DIP2C: variants seen among roughly 807,000 people sequenced by gnomAD.
DIP2C encodes DIP2 acetate--CoA ligase C (putative), also known as disco-interacting protein 2 homolog C.
DIP2C carries 33 observed loss-of-function variants against 192.4 expected under a neutral mutation model. The observed-to-expected ratio is 0.17, with a 90% confidence interval of 0.13 to 0.23. The LOEUF (loss-of-function observed/expected upper bound fraction) is 0.23, where lower values mean the gene tolerates loss of function less well. Ranked by LOEUF, DIP2C falls within the 10% of genes least tolerant of loss-of-function variation. DIP2C has a pLI of 1.00. For synonymous variants in DIP2C, 979 were observed against 864.1 expected (o/e 1.13, Z -2.33); for missense variants, 1,537 against 2,110.1 (o/e 0.73, Z 5.32).
At chr10:529,053 A>G (rs1444604036) in intron 1 of DIP2C, among the ~76,000 whole-genome samples, 1 of 152,204 alleles carries the variant, frequency 6.6e-6, no homozygotes, top group Non-Finnish European at 1.5e-5. Flanking sequence ...CGCTGCCGGC[A>G]TCTCCCTAGA....
rs182560162 is a variant in DIP2C, at chr10:352,794, C to T, written c.2986-3340G>A. 9.9e-5 allele frequency among the ~76,000 whole-genome samples: 15 copies of T among 152,260 alleles called. No individual in the cohort carries two copies. In the East Asian group the frequency reaches 1.5e-3, roughly 16 times the overall value. On this transcript the variant is annotated intron_variant, in intron 24 of 36. Transcript: ENST00000280886. ...TCTTCCTTGCCACCTTTCCCCACCC[C>T]GTGTGGTTGAACGGGACACAGCTAC...
intron 1 of DIP2C, among the ~76,000 whole-genome samples, chr10:536,150 C>G (rs1363205257): frequency 1.3e-5 from 2 of 152,220 alleles, no homozygotes; most frequent in Non-Finnish European, 2.9e-5. Context: ...CAAGTGGGAT[C>G]CTTGCTACCT....
At chr10:292,265 G>C (rs1196384112) in intron 32 of DIP2C, among the ~76,000 whole-genome samples, 1 of 152,238 alleles carries the variant, frequency 6.6e-6, no homozygotes, top group Non-Finnish European at 1.5e-5. Context: ...CTAGGTGAAA[G>C]TTGGTTTTAA....
chr10:388,936 G>T (rs987457790), intron 13 of DIP2C, among the ~76,000 whole-genome samples: 1 of 124,906 alleles, frequency 8.0e-6, no homozygotes, highest in Non-Finnish European at 1.7e-5. Context: ...GCATCCTAAG[G>T]GATCTCAGGG....
At chr10:615,135 C>A (rs772421922) in intron 1 of DIP2C, among the ~76,000 whole-genome samples, 1 of 152,216 alleles carries the variant, frequency 6.6e-6, no homozygotes, top group Non-Finnish European at 1.5e-5. Context: ...CCACGACACA[C>A]GTGACACTTC....
At position 378,908 on chromosome 10, in the gene DIP2C, G is replaced by A. The variant is rs115003809; in HGVS notation, c.1991+3739C>T. Among the ~76,000 whole-genome samples, 926 of 152,356 alleles carry A rather than the reference G, an allele frequency of 6.1e-3. 4 individuals carry two copies. Among genetic ancestry groups the A allele is most frequent in the Middle Eastern group, 0.014 (4 of 294 alleles). The stretch of plus-strand genomic sequence containing the variant: ...GAACACAGACATGCATAAAGACACG[G>A]ACACAGACATGCGTGAGGACAGGCG... On this transcript the variant is annotated intron_variant, in intron 17 of 36. Transcript: ENST00000280886.
chr10:591,016 G>GT (rs1341026501), intron 1 of DIP2C, among the ~76,000 whole-genome samples: 14 of 152,206 alleles, frequency 9.2e-5, no homozygotes, highest in Non-Finnish European at 1.9e-4. Context: ...CATTTCCCTT[G>GT]TCAAGATCAA....
chr10:435,733 C>T (rs916423016), intron 4 of DIP2C, among the ~76,000 whole-genome samples: 1 of 152,198 alleles, frequency 6.6e-6, no homozygotes, highest in Admixed American at 6.5e-5. Context: ...CGTATGGAAC[C>T]TGAAACTCCC....
intron 1 of DIP2C, among the ~76,000 whole-genome samples, chr10:578,761 C>A (rs1224113706): frequency 1.3e-5 from 2 of 152,008 alleles, no homozygotes; most frequent in Non-Finnish European, 2.9e-5. Flanking sequence ...AGTGTACACA[C>A]ATCCAACTAC....
intron 1 of DIP2C, among the ~76,000 whole-genome samples, chr10:529,201 G>A (rs574495457): frequency 3.3e-5 from 5 of 152,240 alleles, no homozygotes; most frequent in South Asian, 2.1e-4. Flanking sequence ...CCATAGACCC[G>A]GTCTTCCTCT....
Position 310,111 on chromosome 10 carries a change from T to C in DIP2C, c.3925-19A>G, listed in dbSNP as rs191755936. 1.9e-6 allele frequency: 3 copies of C among 1,613,148 alleles called. No homozygotes were observed. The African/African-American group carries it at 4.0e-5, about 22-fold the overall frequency. ...AGGTTCCCTGCAAGCAACAACAGAG[T>C]GGTTAACTCAAGTTTACATGGAGGG... On this transcript the variant is annotated intron_variant, in intron 31 of 36. Transcript: ENST00000280886.
chr10:453,283 TGA>T (rs1969002716), intron 3 of DIP2C, among the ~76,000 whole-genome samples: 1 of 152,050 alleles, frequency 6.6e-6, no homozygotes, highest in Non-Finnish European at 1.5e-5. Context: ...AGACACCAGA[TGA>T]GAGGCCGTGG....
At chr10:339,024 C>T (rs544182866) in intron 29 of DIP2C, among the ~76,000 whole-genome samples, 93 of 152,122 alleles carry the variant, frequency 6.1e-4, no homozygotes, top group Admixed American at 3.9e-3. Flanking sequence ...TGGGCTTGGG[C>T]ACCCTGCGCG....
intron 1 of DIP2C, among the ~76,000 whole-genome samples, chr10:601,335 C>CA (rs1288949245): frequency 6.6e-5 from 9 of 136,424 alleles, no homozygotes; most frequent in African/African-American, 1.6e-4. Context: ...ATCCATGCTT[C>CA]AAAAACCACC....
intron 1 of DIP2C, among the ~76,000 whole-genome samples, chr10:615,632 C>CCCA (rs1554756164): frequency 2.0e-5 from 3 of 151,534 alleles, no homozygotes; most frequent in African/African-American, 7.3e-5. Context: ...CACACCCGCC[C>CCCA]CACACACACA....
intron 22 of DIP2C, among the ~76,000 whole-genome samples, chr10:362,237 C>G (rs956222588): frequency 1.3e-5 from 2 of 152,192 alleles, no homozygotes; most frequent in East Asian, 3.8e-4. Context: ...TACGGGAGAA[C>G]AGAGCCAGTA....
intron 31 of DIP2C, among the ~76,000 whole-genome samples, chr10:314,897 G>C (rs1956711975): frequency 6.6e-6 from 1 of 152,118 alleles, no homozygotes; most frequent in Non-Finnish European, 1.5e-5. Flanking sequence ...AGTTTTGGAG[G>C]GGGACACAGA....
intron 1 of DIP2C, among the ~76,000 whole-genome samples, chr10:529,002 G>A (rs1034392289): frequency 4.6e-5 from 7 of 152,222 alleles, no homozygotes; most frequent in Non-Finnish European, 7.3e-5. Flanking sequence ...ACACCTGACG[G>A]GGATGGTGCC....
chr10:457,779 C>G (rs543071854), intron 3 of DIP2C, among the ~76,000 whole-genome samples: 2 of 152,304 alleles, frequency 1.3e-5, no homozygotes, highest in East Asian at 3.9e-4. Context: ...TGGTCTCGAA[C>G]TCCTGTCTTC....
Sources: gnomAD v4.1 joint callset for allele counts (sites outside exome capture counted in the v4.1 genomes callset) on GRCh38, gnomAD v4.1.1 for gene constraint, MANE v1.5 for transcripts, NCBI Gene and HGNC (gene_info 2026-07-23, HGNC 2026-07-21) for gene names.